The following FUT9 variants were observed in gnomAD, a reference collection of about 807,000 sequenced individuals.
The protein encoded by FUT9 is fucosyltransferase 9.
A neutral mutation model predicts 29.7 loss-of-function variants in FUT9; 15 were observed. That is an observed-to-expected ratio of 0.51 (90% CI 0.34 to 0.78). The LOEUF is 0.78. Among genes scored for constraint, FUT9 ranks in the 30% least tolerant of loss-of-function variants. FUT9 has a pLI of 0.01. For synonymous variants in FUT9, 169 were observed against 153.7 expected, an observed-to-expected ratio of 1.10 and a Z score of -0.74; for missense variants, 319 against 425.4, an observed-to-expected ratio of 0.75 and a Z score of 2.20.
chr6:96,167,425 G>A (rs535403331), intron 2 of FUT9, among the ~76,000 whole-genome samples: 1 of 152,254 alleles, frequency 6.6e-6, no homozygotes, highest in South Asian at 2.1e-4. Context: ...CAAGGTGGAG[G>A]GGTAATATGG....
At chr6:96,122,225 T>C (rs1772043483) in intron 2 of FUT9, among the ~76,000 whole-genome samples, 1 of 152,192 alleles carries the variant, frequency 6.6e-6, no homozygotes, top group South Asian at 2.1e-4. Flanking sequence ...TTTATGGTAG[T>C]TAACACATGA....
Position 96,139,051 on chromosome 6 carries a change from T to C in FUT9, c.-9+24924T>C, listed in dbSNP as rs1772412246. Among the ~76,000 whole-genome samples, 3 of 152,200 alleles carry C rather than the reference T, an allele frequency of 2.0e-5. No homozygotes were observed. The South Asian group carries it at 6.2e-4, about 31-fold the overall frequency. ...TAGAAATTAACATTACAGGTGTATA[T>C]TGGTCCATTTTCATACTGCTATGAA... On this transcript the variant is annotated intron_variant, in intron 2 of 2. Transcript: ENST00000302103.
chr6:96,123,170 T>C (rs756043524), intron 2 of FUT9, among the ~76,000 whole-genome samples: 3 of 151,648 alleles, frequency 2.0e-5, no homozygotes, highest in Non-Finnish European at 4.4e-5. Context: ...ATAGTGTCAA[T>C]TTGGACCAAT....
chr6:96,159,973 G>A lies in FUT9; in HGVS notation c.-8-43175G>A, dbSNP rs115728156. On this transcript the variant is annotated intron_variant, in intron 2 of 2. Transcript: ENST00000302103. Reference sequence around the variant, plus strand: ...ATACCTTGAATATAATTTTTCATTAGCTTAAATTTATATTATCAACGAAAC... The same window carrying A: ...ATACCTTGAATATAATTTTTCATTAACTTAAATTTATATTATCAACGAAAC... Among the ~76,000 whole-genome samples, 1,430 of 152,068 alleles carry A rather than the reference G, an allele frequency of 9.4e-3. 23 individuals carry two copies. Among genetic ancestry groups the A allele is most frequent in the African/African-American group, 0.033 (1,372 of 41,488 alleles).
chr6:96,023,499 G>T lies in FUT9; in HGVS notation c.-98+7287G>T, dbSNP rs766915067. The stretch of plus-strand genomic sequence containing the variant: ...TGATGGCAAATGGCAGAGGAATGTT[G>T]GTACCCCTGGGAGTAACCTGTAGTA... On this transcript the variant is annotated intron_variant, in intron 1 of 2. Coordinates refer to ENST00000302103, the MANE Select transcript of FUT9 (RefSeq NM_006581.4). Among the ~76,000 whole-genome samples, 26 of 151,842 alleles carry T rather than the reference G, an allele frequency of 1.7e-4. 1 individual carries two copies. The highest frequency in any genetic ancestry group is 5.9e-4 in the Admixed American group (9 of 15,234).
intron 1 of FUT9, among the ~76,000 whole-genome samples, chr6:96,057,861 A>C (rs1239022622): frequency 6.6e-6 from 1 of 152,212 alleles, no homozygotes; most frequent in African/African-American, 2.4e-5. Context: ...CTATTTATAT[A>C]TACTAGACAA....
At chr6:96,184,807 T>C (rs778934382) in intron 2 of FUT9, among the ~76,000 whole-genome samples, 1 of 152,102 alleles carries the variant, frequency 6.6e-6, no homozygotes, top group Non-Finnish European at 1.5e-5. Flanking sequence ...TCTGCTGTGG[T>C]CTGAGAGAGA....
At chr6:96,034,364 G>C (rs1002082530) in intron 1 of FUT9, among the ~76,000 whole-genome samples, 11 of 151,166 alleles carry the variant, frequency 7.3e-5, no homozygotes, top group African/African-American at 2.4e-4. Flanking sequence ...TACTGTCCCT[G>C]TTTTATTTAG....
chr6:96,153,983 C>T (rs1298969512), intron 2 of FUT9, among the ~76,000 whole-genome samples: 1 of 152,132 alleles, frequency 6.6e-6, no homozygotes, highest in East Asian at 1.9e-4. Context: ...TGGATTTGAT[C>T]ATCAGACTGT....
intron 1 of FUT9, among the ~76,000 whole-genome samples, chr6:96,044,404 AT>A: frequency 1.3e-5 from 2 of 152,368 alleles, no homozygotes; most frequent in East Asian, 3.9e-4. Context: ...GAGGGGAAAT[AT>A]TCCAAAAATC....
intron 2 of FUT9, among the ~76,000 whole-genome samples, chr6:96,180,333 G>C (rs1337510213): frequency 6.6e-6 from 1 of 151,980 alleles, no homozygotes; most frequent in East Asian, 1.9e-4. Context: ...TGGGGATGTT[G>C]CCCAAAAGTT....
intron 2 of FUT9, among the ~76,000 whole-genome samples, chr6:96,186,417 A>T (rs1032362783): frequency 6.6e-6 from 1 of 152,126 alleles, no homozygotes; most frequent in Non-Finnish European, 1.5e-5. Context: ...CATCTAAGGT[A>T]ATACTCTCTC....
chr6:96,075,023 A>G lies in FUT9; in HGVS notation c.-97-39016A>G, dbSNP rs79306381. On this transcript the variant is annotated intron_variant, in intron 1 of 2. Transcript: ENST00000302103. Reference sequence around the variant, plus strand: ...CATTAGAAACTCCTGGCCTCAAGCAACCCTTCCACCTTGGCCTCCCAAAGC... The same window carrying G: ...CATTAGAAACTCCTGGCCTCAAGCAGCCCTTCCACCTTGGCCTCCCAAAGC... Among the ~76,000 whole-genome samples, 910 of 151,914 alleles carry G rather than the reference A, an allele frequency of 6.0e-3. 3 individuals carry two copies. Among genetic ancestry groups the G allele is most frequent in the Middle Eastern group, 0.02 (6 of 294 alleles).
chr6:96,069,470 A>T (rs1289868578), intron 1 of FUT9, among the ~76,000 whole-genome samples: 2 of 152,136 alleles, frequency 1.3e-5, no homozygotes, highest in Non-Finnish European at 2.9e-5. Flanking sequence ...TTAAAAATAT[A>T]GTTAATTTAA....
intron 1 of FUT9, among the ~76,000 whole-genome samples, chr6:96,103,242 CAT>C (rs1263847215): frequency 6.6e-6 from 1 of 152,052 alleles, no homozygotes; most frequent in East Asian, 1.9e-4. Flanking sequence ...TGTGTATATG[CAT>C]ATGTATGTAT....
intron 2 of FUT9, among the ~76,000 whole-genome samples, chr6:96,166,022 C>T (rs1165557881): frequency 6.6e-6 from 1 of 151,966 alleles, no homozygotes; most frequent in African/African-American, 2.4e-5. Context: ...AAAAAATCCC[C>T]CAAGGACATA....
At chr6:96,201,360 G>A (rs1276605636) in intron 2 of FUT9, among the ~76,000 whole-genome samples, 1 of 151,606 alleles carries the variant, frequency 6.6e-6, no homozygotes, top group Non-Finnish European at 1.5e-5. Flanking sequence ...GCTATTTTTG[G>A]TATTACATTT....
At chr6:96,177,688 T>C (rs9485800) in intron 2 of FUT9, among the ~76,000 whole-genome samples, 138,747 of 152,170 alleles carry the variant, frequency 0.91, 64,623 homozygotes, top group Non-Finnish European at 1. Flanking sequence ...GTAAGTATAG[T>C]AACAGCTATC....
chr6:96,177,931 A>G (rs557945375), intron 2 of FUT9, among the ~76,000 whole-genome samples: 2 of 152,308 alleles, frequency 1.3e-5, no homozygotes, highest in East Asian at 3.9e-4. Flanking sequence ...ATTTATACAG[A>G]CATCTTTTTC....
Sources: gnomAD v4.1 joint callset for allele counts (sites outside exome capture counted in the v4.1 genomes callset) on GRCh38, gnomAD v4.1.1 for gene constraint, MANE v1.5 for transcripts, NCBI Gene and HGNC (gene_info 2026-07-23, HGNC 2026-07-21) for gene names.